The following OPCML variants were observed in gnomAD, a reference collection of about 807,000 sequenced individuals.
OPCML encodes opioid binding protein/cell adhesion molecule like.
A neutral mutation model predicts 37.8 loss-of-function variants in OPCML; 13 were observed. The observed-to-expected ratio is 0.34, with a 90% CI of 0.22 to 0.55. OPCML has a LOEUF of 0.55. Ranked by LOEUF, OPCML falls within the 20% of genes least tolerant of loss-of-function variation. OPCML has a pLI of 0.91. For missense variants in OPCML, 341 were observed against 435.6 expected, an observed-to-expected ratio of 0.78 and a Z score of 1.93; for synonymous variants, 176 against 168.8, an observed-to-expected ratio of 1.04 and a Z score of -0.33.
At chr11:132,546,628 T>A (rs1591533163) in intron 3 of OPCML, among the ~76,000 whole-genome samples, 1 of 152,212 alleles carries the variant, frequency 6.6e-6, no homozygotes, top group South Asian at 2.1e-4. Context: ...GAGAGCCAGG[T>A]CTGTTTCCTG....
At chr11:133,029,036 C>T (rs1947617918) in intron 1 of OPCML, among the ~76,000 whole-genome samples, 1 of 152,064 alleles carries the variant, frequency 6.6e-6, no homozygotes. Flanking sequence ...CAAATAACCT[C>T]ATTAAAAAAT....
intron 2 of OPCML, among the ~76,000 whole-genome samples, chr11:132,825,039 A>G (rs1006754069): frequency 2.2e-4 from 33 of 152,194 alleles, no homozygotes; most frequent in Middle Eastern, 3.4e-3. Context: ...TTCAGTCTCT[A>G]CTATGTTGTT....
chr11:133,522,597 G>T (rs551530738), intron 1 of OPCML, among the ~76,000 whole-genome samples: 22 of 152,258 alleles, frequency 1.4e-4, no homozygotes, highest in Non-Finnish European at 2.8e-4. Flanking sequence ...ACACAGTAAT[G>T]GTCAAGGTTA....
chr11:132,994,922 G>C (rs1267085413), intron 1 of OPCML, among the ~76,000 whole-genome samples: 1 of 152,166 alleles, frequency 6.6e-6, no homozygotes, highest in Non-Finnish European at 1.5e-5. Flanking sequence ...GTTGAATACT[G>C]TTATTGTCAT....
intron 1 of OPCML, among the ~76,000 whole-genome samples, chr11:133,485,446 AC>A (rs1200217523): frequency 6.6e-6 from 1 of 152,192 alleles, no homozygotes; most frequent in Non-Finnish European, 1.5e-5. Flanking sequence ...ATCAAAAGCT[AC>A]CCTTTTCACT....
intron 1 of OPCML, among the ~76,000 whole-genome samples, chr11:133,349,237 TTGGAAA>T (rs1944072885): frequency 6.6e-6 from 1 of 152,174 alleles, no homozygotes; most frequent in African/African-American, 2.4e-5. Flanking sequence ...TGAGTATGGA[TTGGAAA>T]TGAAGACCAT....
intron 1 of OPCML, among the ~76,000 whole-genome samples, chr11:133,032,529 C>G (rs1280826650): frequency 6.6e-6 from 1 of 152,126 alleles, no homozygotes; most frequent in African/African-American, 2.4e-5. Context: ...ACATTGATGC[C>G]TCAAATGTAC....
At chr11:133,269,287 G>GAAAC (rs1185667473) in intron 1 of OPCML, among the ~76,000 whole-genome samples, 2 of 152,120 alleles carry the variant, frequency 1.3e-5, no homozygotes, top group South Asian at 2.1e-4. Flanking sequence ...CCCCGAGAGT[G>GAAAC]AAACAAACAA....
intron 1 of OPCML, among the ~76,000 whole-genome samples, chr11:133,285,875 G>A (rs577110491): frequency 6.6e-6 from 1 of 152,338 alleles, no homozygotes. Context: ...GATGTGAACA[G>A]TAAAACGTAT....
intron 2 of OPCML, among the ~76,000 whole-genome samples, chr11:132,889,260 G>A (rs918056363): frequency 2.0e-5 from 3 of 152,164 alleles, no homozygotes; most frequent in Admixed American, 6.5e-5. Flanking sequence ...CTGTTCTTAC[G>A]TTAAAACACC....
intron 1 of OPCML, among the ~76,000 whole-genome samples, chr11:133,141,546 T>C (rs957547714): frequency 6.6e-6 from 1 of 152,146 alleles, no homozygotes; most frequent in Non-Finnish European, 1.5e-5. Flanking sequence ...TACCTACAGA[T>C]GACGGCAGTT....
At chr11:132,888,593 G>T (rs1943512769) in intron 2 of OPCML, among the ~76,000 whole-genome samples, 1 of 152,122 alleles carries the variant, frequency 6.6e-6, no homozygotes, top group Admixed American at 6.6e-5. Flanking sequence ...TTCGGAAAAA[G>T]CTCTGTCTTA....
At chr11:132,801,193 A>G (rs1201704099) in intron 2 of OPCML, among the ~76,000 whole-genome samples, 2 of 152,172 alleles carry the variant, frequency 1.3e-5, no homozygotes, top group Non-Finnish European at 2.9e-5. Context: ...TATTCATTAT[A>G]GTTTCTTATA....
chr11:133,207,352 C>T (rs180781042), intron 1 of OPCML, among the ~76,000 whole-genome samples: 140 of 152,072 alleles, frequency 9.2e-4, no homozygotes, highest in African/African-American at 3.3e-3. Context: ...TAAATGGTGT[C>T]TTTGATACTG....
At position 133,294,786 on chromosome 11, in the gene OPCML, T is replaced by C. The variant is rs891795058; in HGVS notation, c.61+237478A>G. On this transcript the variant is annotated intron_variant, in intron 1 of 7. Transcript: ENST00000524381. ...AGGGCAAACCTGCAAACAGAAACTT[T>C]CTTTTTTTTTTTCTTTCTTTCTTTC... Among the ~76,000 whole-genome samples the C allele has an allele frequency of 1.4e-4, 13 of 93,578 alleles. No homozygotes were observed. The East Asian group carries it at 5.5e-3, about 39-fold the overall frequency. 61.4% of individuals were successfully genotyped at this position (93,578 alleles called of 152,430 possible). A position where few individuals can be genotyped will look rare whatever the true frequency, so the allele number is the denominator to read the frequency against.
intron 1 of OPCML, among the ~76,000 whole-genome samples, chr11:133,237,747 A>C (rs1565522381): frequency 6.6e-6 from 1 of 152,186 alleles, no homozygotes; most frequent in East Asian, 1.9e-4. Flanking sequence ...ATATAAGCAT[A>C]TATCAGTGTG....
intron 2 of OPCML, among the ~76,000 whole-genome samples, chr11:132,777,998 C>A (rs986980790): frequency 2.0e-5 from 3 of 152,142 alleles, no homozygotes; most frequent in Non-Finnish European, 2.9e-5. Flanking sequence ...CCAGGAGAGA[C>A]CTTAGCCAAC....
intron 1 of OPCML, among the ~76,000 whole-genome samples, chr11:133,239,456 G>A (rs376362166): frequency 1.3e-5 from 2 of 152,312 alleles, no homozygotes; most frequent in Admixed American, 1.3e-4. Flanking sequence ...GAGAGAAAAA[G>A]CCTGCAAAAA....
chr11:132,752,259 A>C (rs1347714415), intron 2 of OPCML, among the ~76,000 whole-genome samples: 1 of 149,024 alleles, frequency 6.7e-6, no homozygotes, highest in Admixed American at 6.7e-5. Context: ...CCTTAAAATA[A>C]ATAAAAAAAA....
Sources: gnomAD v4.1 joint callset for allele counts (sites outside exome capture counted in the v4.1 genomes callset) on GRCh38, gnomAD v4.1.1 for gene constraint, MANE v1.5 for transcripts, NCBI Gene and HGNC (gene_info 2026-07-23, HGNC 2026-07-21) for gene names.